RIC1: variants seen among roughly 807,000 people sequenced by gnomAD.
The protein encoded by RIC1 is RIC1 partner of RAB6A GEF complex, also known as guanine nucleotide exchange factor subunit RIC1.
A neutral mutation model predicts 169.0 loss-of-function variants in RIC1; 88 were observed. The observed-to-expected ratio is 0.52, with a 90% confidence interval of 0.44 to 0.62. The LOEUF is 0.62. RIC1 is among the 20% of genes least tolerant of loss of function. The pLI is 0.00. For missense variants in RIC1, 1,877 were observed against 1,725.5 expected (o/e 1.09, Z -1.56); for synonymous variants, 790 against 601.5 (o/e 1.31, Z -4.59).
intron 9 of RIC1, 87 bp downstream of exon 9, chr9:5,743,100 C>A: frequency 7.8e-7 from 1 of 1,275,624 alleles, no homozygotes. Flanking sequence ...CAGAACTTCC[C>A]TTTTTGCCTT....
intron 2 of RIC1, among the ~76,000 whole-genome samples, chr9:5,661,308 C>G (rs941679977): frequency 4.6e-5 from 7 of 152,152 alleles, no homozygotes; most frequent in African/African-American, 1.7e-4. Context: ...ATTGCCTTGG[C>G]TATTCGGACT....
intron 14 of RIC1, among the ~76,000 whole-genome samples, chr9:5,754,618 C>T (rs943949232): frequency 2.6e-5 from 4 of 152,108 alleles, no homozygotes; most frequent in Non-Finnish European, 4.4e-5. Context: ...ATCCCAGCTA[C>T]TTGGGAGGCG....
intron 1 of RIC1, among the ~76,000 whole-genome samples, chr9:5,633,231 A>T (rs1234938220): frequency 6.6e-6 from 1 of 152,186 alleles, no homozygotes; most frequent in African/African-American, 2.4e-5. Context: ...TGGATCAGGT[A>T]TGTGATTAAC....
intron 4 of RIC1, among the ~76,000 whole-genome samples, chr9:5,714,398 C>T (rs139927149): frequency 0.011 from 1,641 of 152,242 alleles, 21 homozygotes; most frequent in South Asian, 0.036. Flanking sequence ...AAGAAAGTTA[C>T]ACTTTTTCAT....
In RIC1 at chr9:5,667,984, TA is replaced by T. The variant is rs1311092788; in HGVS notation, c.252+11295del. Among the ~76,000 whole-genome samples, 11 of 152,306 alleles carry T rather than the reference TA, an allele frequency of 7.2e-5. No homozygotes were observed. The East Asian group carries it at 2.1e-3, about 29-fold the overall frequency. On this transcript the variant is annotated intron_variant, in intron 2 of 25. Transcript: ENST00000414202. ...AAGAACTGCCCAAGACTGGGTAATT[TA>T]TAAAGGAAAGAGGTTTAATTGACTT... is the stretch of plus-strand genomic sequence containing the variant.
intron 2 of RIC1, among the ~76,000 whole-genome samples, chr9:5,668,900 G>A (rs550820195): frequency 5.5e-4 from 84 of 152,194 alleles, no homozygotes; most frequent in African/African-American, 2.0e-3. Flanking sequence ...CCTTAGGGAT[G>A]GTTTCTGCCA....
At chr9:5,758,146 A>C (rs895602551) in intron 17 of RIC1, among the ~76,000 whole-genome samples, 5 of 152,174 alleles carry the variant, frequency 3.3e-5, no homozygotes, top group Non-Finnish European at 5.9e-5. Flanking sequence ...AAGTAGAATG[A>C]GTATAGAATA....
intron 8 of RIC1, among the ~76,000 whole-genome samples, chr9:5,739,610 C>G (rs1824940732): frequency 6.6e-6 from 1 of 152,132 alleles, no homozygotes; most frequent in Non-Finnish European, 1.5e-5. Flanking sequence ...GGAGAATCAA[C>G]ATTATCTTGC....
chr9:5,721,945 G>A (rs1823616547), intron 6 of RIC1, among the ~76,000 whole-genome samples: 1 of 150,514 alleles, frequency 6.6e-6, no homozygotes, highest in Non-Finnish European at 1.5e-5. Flanking sequence ...CTGGAGTGCA[G>A]TGGCACGATC....
chr9:5,637,948 G>A (rs1014594468), intron 1 of RIC1, among the ~76,000 whole-genome samples: 10 of 152,220 alleles, frequency 6.6e-5, no homozygotes, highest in East Asian at 3.9e-4. Context: ...AAAGGCTTTC[G>A]GTTTTTACAT....
intron 4 of RIC1, chr9:5,718,935 G>T (rs1256374970): frequency 6.6e-6 from 1 of 151,988 alleles, no homozygotes; most frequent in Non-Finnish European, 1.5e-5. Context: ...ACTTTCCAAA[G>T]AATTAAAGGT....
intron 6 of RIC1, among the ~76,000 whole-genome samples, chr9:5,723,349 TG>T (rs1315262872): frequency 6.6e-6 from 1 of 152,238 alleles, no homozygotes; most frequent in African/African-American, 2.4e-5. Flanking sequence ...GCTGCATAAA[TG>T]TCTTCTTTTG....
intron 2 of RIC1, among the ~76,000 whole-genome samples, chr9:5,677,614 A>T (rs1820530179): frequency 6.6e-6 from 1 of 151,540 alleles, no homozygotes; most frequent in African/African-American, 2.4e-5. Flanking sequence ...ACACAGTGTT[A>T]GGTCTCCAAC....
intron 3 of RIC1, among the ~76,000 whole-genome samples, chr9:5,701,032 T>G (rs1412948400): frequency 6.6e-6 from 1 of 152,204 alleles, no homozygotes; most frequent in African/African-American, 2.4e-5. Context: ...TTAATTTCCC[T>G]TCATGTTTCT....
chr9:5,736,833 CAG>C (rs1414400594), intron 7 of RIC1, among the ~76,000 whole-genome samples: 5 of 151,782 alleles, frequency 3.3e-5, no homozygotes, highest in African/African-American at 9.7e-5. Context: ...AAAACAAAAA[CAG>C]AGTATCAGTA....
At chr9:5,697,544 C>G (rs191117685) in intron 3 of RIC1, among the ~76,000 whole-genome samples, 62 of 152,096 alleles carry the variant, frequency 4.1e-4, no homozygotes, top group African/African-American at 1.4e-3. Context: ...TAAGCACATC[C>G]AAGATATCAT....
At chr9:5,676,046 G>C (rs957259931) in intron 2 of RIC1, among the ~76,000 whole-genome samples, 1 of 152,190 alleles carries the variant, frequency 6.6e-6, no homozygotes, top group African/African-American at 2.4e-5. Context: ...GAAATTTATA[G>C]TTTAAATGAT....
At chr9:5,681,737 G>C (rs1820854425) in intron 2 of RIC1, among the ~76,000 whole-genome samples, 1 of 152,214 alleles carries the variant, frequency 6.6e-6, no homozygotes, top group Non-Finnish European at 1.5e-5. Flanking sequence ...AATGGTGACA[G>C]TGGGGTGTTA....
intron 3 of RIC1, among the ~76,000 whole-genome samples, chr9:5,693,826 T>C (rs1413466698): frequency 6.6e-6 from 1 of 152,118 alleles, no homozygotes; most frequent in African/African-American, 2.4e-5. Flanking sequence ...GCAGAGATTT[T>C]TTTCCCCCTT....
Sources: allele counts gnomAD v4.1 joint callset (sites outside exome capture counted in the v4.1 genomes callset), GRCh38; gene constraint gnomAD v4.1.1; transcripts MANE v1.5; gene names NCBI Gene and HGNC (gene_info 2026-07-23, HGNC 2026-07-21).